Variants in ALK observed in about 807,000 individuals in gnomAD.
ALK encodes ALK tyrosine kinase receptor.
Under a neutral mutation model 163.1 loss-of-function variants are expected in ALK, and 74 were observed. The observed-to-expected ratio is 0.45, with a 90% CI of 0.38 to 0.55. ALK has a LOEUF of 0.55. ALK is among the 20% of genes least tolerant of loss of function. The pLI, the probability that ALK is intolerant of heterozygous loss-of-function variation, is 0.00. For synonymous variants in ALK, 960 were observed against 843.2 expected (o/e 1.14, Z -2.40); for missense variants, 2,063 against 2,105.3 (o/e 0.98, Z 0.39).
chr2:29,535,790 C>T (rs1673236639), intron 3 of ALK, among the ~76,000 whole-genome samples: 1 of 152,144 alleles, frequency 6.6e-6, no homozygotes, highest in Admixed American at 6.5e-5. Flanking sequence ...ATTCTATCTG[C>T]CTGCCTAGAA....
intron 4 of ALK, among the ~76,000 whole-genome samples, chr2:29,506,941 G>A (rs1336637066): frequency 6.6e-6 from 1 of 152,090 alleles, no homozygotes; most frequent in Non-Finnish European, 1.5e-5. Flanking sequence ...GTAAAATGAT[G>A]CAGCCACTAT....
rs1316758308 is a variant in ALK, at chr2:29,222,532, C to T, written c.3435G>A (p.Leu1145=). 1 of 1,614,118 alleles carries T rather than the reference C, an allele frequency of 6.2e-7. No individual in the cohort carries two copies. Among genetic ancestry groups the T allele is most frequent in the Non-Finnish European group, 8.5e-7 (1 of 1,180,022 alleles). The change falls in exon 21 of 29, where the codon CTG becomes CTA. Residue 1145 remains leucine (L), a synonymous_variant. Transcript: ENST00000389048. ...VSGMPNDPSP[L]QVAVKTLPEV... The stretch of plus-strand genomic sequence containing the variant: ...CACTTCTTACCTTCACAGCCACTTG[C>T]AGGGGGCTTGGGTCGTTGGGCATTC...
At chr2:29,569,966 C>T (rs1398985297) in intron 3 of ALK, among the ~76,000 whole-genome samples, 1 of 152,112 alleles carries the variant, frequency 6.6e-6, no homozygotes, top group African/African-American at 2.4e-5. Context: ...AAGGGAACAC[C>T]CTAGTAGGAT....
intron 3 of ALK, among the ~76,000 whole-genome samples, chr2:29,688,723 G>A (rs1456323434): frequency 1.3e-5 from 2 of 152,018 alleles, no homozygotes; most frequent in East Asian, 3.9e-4. Context: ...TGTGATCAGC[G>A]GTCACTCCAA....
chr2:29,281,951 A>G (rs1665729110), intron 9 of ALK, among the ~76,000 whole-genome samples: 1 of 152,234 alleles, frequency 6.6e-6, no homozygotes, highest in Non-Finnish European at 1.5e-5. Flanking sequence ...AACCTAATTA[A>G]GTTCACTTAA....
At chr2:29,819,128 T>G (rs910198599) in intron 1 of ALK, among the ~76,000 whole-genome samples, 3 of 152,190 alleles carry the variant, frequency 2.0e-5, no homozygotes, top group African/African-American at 7.2e-5. Context: ...CTGTTATAAA[T>G]AAAGAATCTC....
At chr2:29,396,787 A>C (rs1669316397) in intron 4 of ALK, among the ~76,000 whole-genome samples, 1 of 139,410 alleles carries the variant, frequency 7.2e-6, no homozygotes, top group African/African-American at 2.8e-5. Context: ...TTCATCCTCC[A>C]CATTTTGCTC....
chr2:29,703,963 G>A (rs943748035), intron 2 of ALK, among the ~76,000 whole-genome samples: 5 of 152,164 alleles, frequency 3.3e-5, no homozygotes, highest in African/African-American at 7.2e-5. Flanking sequence ...AACACCAGAC[G>A]GGAGCTGGTC....
At chr2:29,539,923 T>G (rs1367121938) in intron 3 of ALK, among the ~76,000 whole-genome samples, 1 of 152,176 alleles carries the variant, frequency 6.6e-6, no homozygotes, top group Non-Finnish European at 1.5e-5. Flanking sequence ...TTACCTGATT[T>G]CTCCAGAATT....
At chr2:29,916,061 T>C (rs1216717712) in intron 1 of ALK, among the ~76,000 whole-genome samples, 1 of 152,248 alleles carries the variant, frequency 6.6e-6, no homozygotes, top group Non-Finnish European at 1.5e-5. Context: ...CCTTCTGCCA[T>C]TCTGCATCCC....
intron 1 of ALK, among the ~76,000 whole-genome samples, chr2:29,906,188 G>C (rs1226806267): frequency 6.6e-6 from 1 of 152,022 alleles, no homozygotes; most frequent in Non-Finnish European, 1.5e-5. Flanking sequence ...TGGTGAATGA[G>C]GAAAAGTGAC....
intron 4 of ALK, among the ~76,000 whole-genome samples, chr2:29,444,814 C>T (rs1670631764): frequency 6.6e-6 from 1 of 152,168 alleles, no homozygotes; most frequent in East Asian, 1.9e-4. Context: ...AATAAGTCGG[C>T]CCTGGAAGTC....
At chr2:29,885,651 T>G (rs1252601421) in intron 1 of ALK, among the ~76,000 whole-genome samples, 1 of 151,350 alleles carries the variant, frequency 6.6e-6, no homozygotes, top group East Asian at 1.9e-4. Flanking sequence ...CCAAAGGAAT[T>G]AACAGAAAAT....
At chr2:29,347,894 G>A (rs944652447) in intron 5 of ALK, among the ~76,000 whole-genome samples, 1 of 152,164 alleles carries the variant, frequency 6.6e-6, no homozygotes, top group Non-Finnish European at 1.5e-5. Context: ...CGGAGTTTCC[G>A]ATTCAGTAGA....
At chr2:29,698,734 C>T (rs1678645809) in intron 2 of ALK, among the ~76,000 whole-genome samples, 1 of 152,226 alleles carries the variant, frequency 6.6e-6, no homozygotes, top group Admixed American at 6.5e-5. Context: ...GGGCCAGATC[C>T]TGCCTAGTAA....
intron 3 of ALK, among the ~76,000 whole-genome samples, chr2:29,656,422 C>A (rs1677187229): frequency 6.6e-6 from 1 of 152,120 alleles, no homozygotes; most frequent in African/African-American, 2.4e-5. Context: ...TTAAACCTGG[C>A]CAACTAATGT....
At chr2:29,866,742 C>T (rs1666445662) in intron 1 of ALK, among the ~76,000 whole-genome samples, 1 of 152,156 alleles carries the variant, frequency 6.6e-6, no homozygotes, top group Non-Finnish European at 1.5e-5. Context: ...GATACTGAAA[C>T]AGAGAAGAGT....
At chr2:29,366,016 CA>C (rs1305562656) in intron 5 of ALK, among the ~76,000 whole-genome samples, 2 of 152,196 alleles carry the variant, frequency 1.3e-5, no homozygotes, top group Non-Finnish European at 2.9e-5. Context: ...GCTTTTTCTG[CA>C]CACTACTTTG....
At chr2:29,458,046 C>T (rs1043898762) in intron 4 of ALK, among the ~76,000 whole-genome samples, 1 of 152,122 alleles carries the variant, frequency 6.6e-6, no homozygotes, top group African/African-American at 2.4e-5. Flanking sequence ...AAAAAAGACT[C>T]TAAGAATGAC....
Sources: allele counts gnomAD v4.1 joint callset (sites outside exome capture counted in the v4.1 genomes callset), GRCh38; gene constraint gnomAD v4.1.1; transcripts MANE v1.5; gene names NCBI Gene and HGNC (gene_info 2026-07-23, HGNC 2026-07-21).